Variants in VGLL4 observed in about 807,000 individuals in gnomAD.
VGLL4 encodes transcription cofactor vestigial-like protein 4.
In VGLL4, 7 loss-of-function variants were observed where a neutral mutation model predicts 21.0. The ratio of observed to expected loss-of-function variants is 0.33; its 90% CI spans 0.19 to 0.63. VGLL4 has a LOEUF of 0.63. Among genes scored for constraint, VGLL4 ranks in the 20% least tolerant of loss-of-function variants. The pLI is 0.78. For synonymous variants in VGLL4, 222 were observed against 173.2 expected (o/e 1.28, Z -2.21); for missense variants, 394 against 425.7 (o/e 0.93, Z 0.66).
intron 2 of VGLL4, among the ~76,000 whole-genome samples, chr3:11,682,637 G>C (rs2076393363): frequency 6.6e-6 from 1 of 152,078 alleles, no homozygotes; most frequent in African/African-American, 2.4e-5. Context: ...GCGATGGAAA[G>C]TGGAAGAGTA....
intron 2 of VGLL4, among the ~76,000 whole-genome samples, chr3:11,597,008 G>C (rs565276646): frequency 2.0e-4 from 31 of 152,120 alleles, no homozygotes; most frequent in Non-Finnish European, 4.1e-4. Context: ...AGAACAACTT[G>C]TAGGCCAGAA....
intron 1 of VGLL4, among the ~76,000 whole-genome samples, chr3:11,616,205 C>CA (rs912443588): frequency 2.4e-4 from 37 of 152,288 alleles, no homozygotes; most frequent in African/African-American, 8.7e-4. Flanking sequence ...GGATGCCTCC[C>CA]ACCTCCCCTC....
chr3:11,713,607 A>AATTAGG (rs1460278968), intron 1 of VGLL4, among the ~76,000 whole-genome samples: 1 of 141,828 alleles, frequency 7.1e-6, no homozygotes, highest in African/African-American at 2.9e-5. Flanking sequence ...TAAAATCCCT[A>AATTAGG]ATTAGGATTT....
chr3:11,677,568 C>T (rs910939914), intron 2 of VGLL4, among the ~76,000 whole-genome samples: 11 of 152,108 alleles, frequency 7.2e-5, no homozygotes, highest in Admixed American at 2.0e-4. Context: ...AGCCACCGCA[C>T]CCAGCCCAGA....
At chr3:11,581,872 C>T (rs376778704) in intron 2 of VGLL4, among the ~76,000 whole-genome samples, 6 of 152,352 alleles carry the variant, frequency 3.9e-5, no homozygotes, top group South Asian at 2.1e-4. Context: ...TTGTACTCCC[C>T]GAATCAGCAG....
intron 2 of VGLL4, among the ~76,000 whole-genome samples, chr3:11,699,796 G>A (rs562188131): frequency 1.3e-5 from 2 of 151,850 alleles, no homozygotes; most frequent in South Asian, 4.2e-4. Flanking sequence ...CTAAGTGACA[G>A]AGCAAGTTCT....
At chr3:11,567,081 G>T (rs1418262409) in intron 2 of VGLL4, among the ~76,000 whole-genome samples, 1 of 152,150 alleles carries the variant, frequency 6.6e-6, no homozygotes, top group Admixed American at 6.5e-5. Flanking sequence ...CACCAGAGGG[G>T]GCCTGAGTGC....
chr3:11,579,596 G>C (rs765894723), intron 2 of VGLL4, among the ~76,000 whole-genome samples: 1 of 152,202 alleles, frequency 6.6e-6, no homozygotes, highest in Admixed American at 6.5e-5. Context: ...AAAAGAACGT[G>C]GGGGGAGTTC....
upstream of VGLL4, among the ~76,000 whole-genome samples, chr3:11,645,918 G>C (rs992956981): frequency 6.6e-6 from 1 of 152,120 alleles, no homozygotes; most frequent in Non-Finnish European, 1.5e-5. Flanking sequence ...GCTGCAGTGA[G>C]CCAAGATTGT....
At chr3:11,588,155 G>A (rs549112413) in intron 2 of VGLL4, among the ~76,000 whole-genome samples, 6 of 152,230 alleles carry the variant, frequency 3.9e-5, no homozygotes, top group African/African-American at 1.2e-4. Context: ...AGCTCTCCTC[G>A]TGGCTCCTTT....
At chr3:11,718,239 G>T (rs2076944711) in intron 1 of VGLL4, among the ~76,000 whole-genome samples, 1 of 152,194 alleles carries the variant, frequency 6.6e-6, no homozygotes, top group South Asian at 2.1e-4. Context: ...TGGGGGAGAT[G>T]ACTTTTCAGG....
chr3:11,572,894 G>A (rs961296006), intron 2 of VGLL4, among the ~76,000 whole-genome samples: 2 of 152,078 alleles, frequency 1.3e-5, no homozygotes, highest in Admixed American at 6.6e-5. Context: ...TAGGCCAGGC[G>A]CAGTGGCTCA....
chr3:11,586,504 G>A (rs2574726), intron 2 of VGLL4, among the ~76,000 whole-genome samples: 11,104 of 152,280 alleles, frequency 0.073, 622 homozygotes, highest in South Asian at 0.22. Context: ...GATGGAAAAT[G>A]GAGTCAGGCC....
intron 2 of VGLL4, among the ~76,000 whole-genome samples, chr3:11,664,371 T>C (rs2076079624): frequency 6.6e-6 from 1 of 152,186 alleles, no homozygotes; most frequent in Non-Finnish European, 1.5e-5. Flanking sequence ...GAGCACTCTA[T>C]GGGGAGTCCA....
chr3:11,560,880 C>T (rs963047238), intron 3 of VGLL4, among the ~76,000 whole-genome samples: 2 of 152,080 alleles, frequency 1.3e-5, no homozygotes, highest in Non-Finnish European at 2.9e-5. Flanking sequence ...GACAGGGCCT[C>T]GGGTGAGAGA....
chr3:11,559,523 C>T, intron 3 of VGLL4, 68 bp from the exon 4 acceptor site: 3 of 1,463,264 alleles, frequency 2.1e-6, no homozygotes, highest in African/African-American at 1.4e-5. Flanking sequence ...CTGGGGCCCT[C>T]CCCAGCACCC....
intron 2 of VGLL4, among the ~76,000 whole-genome samples, chr3:11,680,267 C>G (rs1357478765): frequency 6.6e-6 from 1 of 151,954 alleles, no homozygotes; most frequent in Non-Finnish European, 1.5e-5. Flanking sequence ...AGGACGCATT[C>G]TCAGGAGTAT....
At chr3:11,708,178 G>A (rs1490001944) in intron 1 of VGLL4, among the ~76,000 whole-genome samples, 2 of 152,188 alleles carry the variant, frequency 1.3e-5, no homozygotes, top group African/African-American at 4.8e-5. Context: ...TTTCTGAGAA[G>A]TGAATGGGCC....
At chr3:11,624,663 C>A (rs2125305307) in intron 1 of VGLL4, among the ~76,000 whole-genome samples, 1 of 152,284 alleles carries the variant, frequency 6.6e-6, no homozygotes, top group African/African-American at 2.4e-5. Flanking sequence ...TCATATACTT[C>A]CTATTTGTCT....
Sources: gnomAD v4.1 joint callset for allele counts (sites outside exome capture counted in the v4.1 genomes callset) on GRCh38, gnomAD v4.1.1 for gene constraint, MANE v1.5 for transcripts, NCBI Gene and HGNC (gene_info 2026-07-23, HGNC 2026-07-21) for gene names.